TRIM9: variants seen among roughly 807,000 people sequenced by gnomAD.
TRIM9 encodes the protein tripartite motif containing 9.
A neutral mutation model predicts 78.3 loss-of-function variants in TRIM9; 26 were observed. The observed-to-expected ratio is 0.33, with a 90% CI of 0.24 to 0.46. The LOEUF is 0.46. TRIM9 is among the 20% of genes least tolerant of loss of function. TRIM9 has a pLI of 1.00. For missense variants in TRIM9, 787 were observed against 1,036.4 expected (o/e 0.76, Z 3.30); for synonymous variants, 398 against 416.5 (o/e 0.96, Z 0.54).
At chr14:51,045,039 T>C (rs1347603888) in intron 1 of TRIM9, among the ~76,000 whole-genome samples, 4 of 147,426 alleles carry the variant, frequency 2.7e-5, no homozygotes, top group Admixed American at 2.1e-4. Flanking sequence ...CTTCTGTTGA[T>C]TGTCATGTGA....
chr14:50,997,892 C>G (rs1356194766), intron 7 of TRIM9, 158 bp downstream of exon 7: 2 of 1,465,614 alleles, frequency 1.4e-6, no homozygotes, highest in East Asian at 2.5e-5. Flanking sequence ...CATAGGCTCT[C>G]TAAAGGCAGG....
At chr14:51,083,785 C>T (rs2063522987) in intron 1 of TRIM9, among the ~76,000 whole-genome samples, 2 of 152,088 alleles carry the variant, frequency 1.3e-5, no homozygotes, top group Non-Finnish European at 2.9e-5. Context: ...GTGGCTATGA[C>T]CTCAATAACA....
intron 3 of TRIM9, among the ~76,000 whole-genome samples, chr14:51,019,153 A>G (rs1174518464): frequency 1.3e-5 from 2 of 152,264 alleles, no homozygotes; most frequent in Non-Finnish European, 2.9e-5. Context: ...CAGCTAAAGC[A>G]GACCTGGGAA....
intron 1 of TRIM9, among the ~76,000 whole-genome samples, chr14:51,076,539 G>A (rs1359579827): frequency 6.6e-6 from 1 of 152,142 alleles, no homozygotes; most frequent in Non-Finnish European, 1.5e-5. Flanking sequence ...AAAAACCTGG[G>A]TTTATTACAA....
rs528251503 is a variant in TRIM9 at position 51,019,464 on chromosome 14, C to CT, written c.1041+3370dup. ...TGCATATGTCTCCAAAGCTTTTTTG[C>CT]TTTTTTTTAGCTCATCAAACTTTGT... On this transcript the variant is annotated intron_variant, in intron 3 of 12. Coordinates refer to ENST00000684578, the MANE Select transcript of TRIM9 (RefSeq NM_001387360.1). Among the ~76,000 whole-genome samples, 262 of 151,980 alleles carry CT rather than the reference C, an allele frequency of 1.7e-3. 1 individual carries two copies. The highest frequency in any genetic ancestry group is 0.014 in the Middle Eastern group (4 of 294).
chr14:51,024,264 G>T (rs540904103), intron 2 of TRIM9, among the ~76,000 whole-genome samples: 1 of 152,298 alleles, frequency 6.6e-6, no homozygotes, highest in East Asian at 1.9e-4. Flanking sequence ...TTTTATGCCA[G>T]CAGAGTAAAG....
At chr14:51,002,441 A>G (rs567025112) in intron 5 of TRIM9, among the ~76,000 whole-genome samples, 1 of 152,260 alleles carries the variant, frequency 6.6e-6, no homozygotes, top group South Asian at 2.1e-4. Context: ...GCTGGGAACC[A>G]TGTTTTTGCC....
chr14:51,032,089 C>T (rs2058779498), intron 1 of TRIM9, among the ~76,000 whole-genome samples: 2 of 152,182 alleles, frequency 1.3e-5, no homozygotes, highest in African/African-American at 4.8e-5. Context: ...GTGACATTTA[C>T]CTCTTTTTAA....
Position 51,022,690 on chromosome 14 carries a change from T to A in TRIM9, c.1041+145A>T. On this transcript the variant is annotated intron_variant, in intron 3 of 12. Coordinates refer to ENST00000684578, the MANE Select transcript of TRIM9 (RefSeq NM_001387360.1). ...GTAGTGAATGAAGGGAGGTGTCTGT[T>A]CCTTTCTGGCCAGACCACTGGCTAC... The A allele has an allele frequency of 2.4e-6, 3 of 1,262,056 alleles. No homozygotes were observed. The South Asian group carries it at 4.7e-5, about 20-fold the overall frequency. 78.2% of individuals were successfully genotyped at this position (1,262,056 alleles called of 1,614,324 possible).
chr14:51,028,666 A>C (rs1156475850), intron 1 of TRIM9, among the ~76,000 whole-genome samples: 2 of 152,210 alleles, frequency 1.3e-5, no homozygotes, highest in African/African-American at 2.4e-5. Flanking sequence ...TATAATGCCT[A>C]AGCAGTGACA....
chr14:51,047,704 TA>T (rs2060055914), intron 1 of TRIM9, among the ~76,000 whole-genome samples: 1 of 152,078 alleles, frequency 6.6e-6, no homozygotes, highest in African/African-American at 2.4e-5. Context: ...CTGTATCAGG[TA>T]AAAAAGAATA....
At chr14:51,051,572 A>G (rs1462923654) in intron 1 of TRIM9, among the ~76,000 whole-genome samples, 4 of 152,214 alleles carry the variant, frequency 2.6e-5, no homozygotes, top group African/African-American at 7.2e-5. Context: ...ATAGCTTGTT[A>G]TTGTGGGTGT....
At chr14:51,012,857 C>T (rs373832461) in intron 3 of TRIM9, among the ~76,000 whole-genome samples, 16 of 152,250 alleles carry the variant, frequency 1.1e-4, no homozygotes, top group African/African-American at 2.9e-4. Flanking sequence ...TGTGTACCCT[C>T]GCTGCTAATC....
intron 10 of TRIM9, chr14:50,982,728 T>C (rs1262400174): frequency 1.9e-6 from 1 of 514,662 alleles, no homozygotes; most frequent in Non-Finnish European, 3.5e-6. Flanking sequence ...CTCCTGAAAC[T>C]AACACGTCAG....
At chr14:51,005,472 A>G (rs8003601) in intron 5 of TRIM9, among the ~76,000 whole-genome samples, 30,058 of 152,080 alleles carry the variant, frequency 0.2, 3,320 homozygotes, top group Non-Finnish European at 0.26. Context: ...TGACTCATGA[A>G]TCTTGGGATT....
At chr14:51,039,678 G>A (rs1291514575) in intron 1 of TRIM9, among the ~76,000 whole-genome samples, 2 of 152,018 alleles carry the variant, frequency 1.3e-5, no homozygotes. Flanking sequence ...GTGGTTACAC[G>A]AATAATTTTT....
chr14:51,083,917 G>T (rs72687170), intron 1 of TRIM9, among the ~76,000 whole-genome samples: 135 of 152,036 alleles, frequency 8.9e-4, no homozygotes, highest in African/African-American at 2.8e-3. Flanking sequence ...TATGATTCTA[G>T]GCCATCACTC....
At chr14:51,050,978 C>T (rs774352391) in intron 1 of TRIM9, among the ~76,000 whole-genome samples, 14 of 152,168 alleles carry the variant, frequency 9.2e-5, no homozygotes, top group Non-Finnish European at 1.9e-4. Context: ...CAAGCCAAGC[C>T]AAGATGCTGC....
At chr14:51,048,641 A>G (rs565273588) in intron 1 of TRIM9, among the ~76,000 whole-genome samples, 1 of 152,068 alleles carries the variant, frequency 6.6e-6, no homozygotes, top group Non-Finnish European at 1.5e-5. Flanking sequence ...CGTGTAATCA[A>G]TGAAAGGAAG....
Sources: gnomAD v4.1 joint callset for allele counts (sites outside exome capture counted in the v4.1 genomes callset) on GRCh38, gnomAD v4.1.1 for gene constraint, MANE v1.5 for transcripts, NCBI Gene and HGNC (gene_info 2026-07-23, HGNC 2026-07-21) for gene names.